PCDHA6: variants seen among roughly 807,000 people sequenced by gnomAD.
PCDHA6 encodes protocadherin alpha-6.
A neutral mutation model predicts 60.3 loss-of-function variants in PCDHA6; 55 were observed. The ratio of observed to expected loss-of-function variants is 0.91; its 90% CI spans 0.73 to 1.14. PCDHA6 has a LOEUF of 1.14. PCDHA6 is among the 50% of genes most tolerant of loss of function. The pLI is 0.00. For synonymous variants in PCDHA6, 652 were observed against 557.9 expected (o/e 1.17, Z -2.38); for missense variants, 1,327 against 1,256.5 (o/e 1.06, Z -0.85).
At chr5:140,855,994 G>T in intron 1 of PCDHA6, 2 of 1,498,182 alleles carry the variant, frequency 1.3e-6, no homozygotes, top group South Asian at 1.3e-5. Flanking sequence ...ATGTCAGATC[G>T]TATGTGCGTT....
intron 1 of PCDHA6, chr5:140,876,474 C>T: frequency 6.2e-7 from 1 of 1,614,014 alleles, no homozygotes; most frequent in Non-Finnish European, 8.5e-7. Flanking sequence ...CAGGTCACAG[C>T]ATGGTCCTGG....
In PCDHA6 at chr5:140,857,236, G is replaced by C; in HGVS notation, c.2394+26751G>C. On this transcript the variant is annotated intron_variant, in intron 1 of 3. Transcript: ENST00000529310. ...TGACGCCTCACGTTCCGTTCAAGCTGGTGTCCACCTACAAGAATTACTACT... is the reference window on the plus strand; with the variant it reads ...TGACGCCTCACGTTCCGTTCAAGCTCGTGTCCACCTACAAGAATTACTACT... 6.9e-6 allele frequency: 11 copies of C among 1,598,556 alleles called. 1 individual carries two copies. Among genetic ancestry groups the C allele is most frequent in the Non-Finnish European group, 8.6e-6 (10 of 1,167,952 alleles).
rs782703183 is a variant in PCDHA6 at position 140,882,765 on chromosome 5, C to A, written c.2394+52280C>A. On this transcript the variant is annotated intron_variant, in intron 1 of 3. Transcript: ENST00000529310. ...TCCGATGCAGATATTGGAGTAAACT[C>A]GGCATTGACCTACCGACTGGATCCC... 1.5e-5 allele frequency: 25 copies of A among 1,614,104 alleles called. No individual in the cohort carries two copies. In the South Asian group the frequency reaches 2.7e-4, roughly 18 times the overall value.
At chr5:140,923,373 T>A (rs1354356076) in intron 1 of PCDHA6, among the ~76,000 whole-genome samples, 4 of 152,048 alleles carry the variant, frequency 2.6e-5, no homozygotes, top group South Asian at 2.1e-4. Flanking sequence ...AAAATATTTT[T>A]AAAAATTAGT....
At chr5:140,852,397 C>A in intron 1 of PCDHA6, 1 of 184,368 alleles carries the variant, frequency 5.4e-6, no homozygotes, top group Non-Finnish European at 1.2e-5. Flanking sequence ...CCTGCCTCAG[C>A]CTCCTGAGTA....
chr5:140,852,099 AT>A, intron 1 of PCDHA6: 1 of 909,604 alleles, frequency 1.1e-6, no homozygotes, highest in Non-Finnish European at 1.3e-6. Flanking sequence ...TGTGTCAGAT[AT>A]TTTACAAGGT....
At position 140,836,104 on chromosome 5, in the gene PCDHA6, G is replaced by C. The variant is rs2150252946; in HGVS notation, c.2394+5619G>C. The C allele has an allele frequency of 9.3e-6, 15 of 1,613,730 alleles. 1 individual carries two copies. In the South Asian group the frequency reaches 1.4e-4, roughly 15 times the overall value. ...CTGGCGCCTCGGGTGGGTGGCACTG[G>C]TGGCGCAGTGAGAGAGCTTGTGCCG... is the stretch of plus-strand genomic sequence containing the variant. On this transcript the variant is annotated intron_variant, in intron 1 of 3. Transcript: ENST00000529310.
rs782120132 is a variant in PCDHA6, at chr5:140,884,464, C to T, written c.2394+53979C>T. On this transcript the variant is annotated intron_variant, in intron 1 of 3. Coordinates refer to ENST00000529310, the MANE Select transcript of PCDHA6 (RefSeq NM_018909.4). ...CGGCACCGCCCACCGAGGGCGCGTG[C>T]GCGCCGGGCAAGCCCACTCTAGTGT... 51 of 1,613,768 alleles carry T rather than the reference C, an allele frequency of 3.2e-5. 1 individual carries two copies. In the East Asian group the frequency reaches 9.6e-4, roughly 30 times the overall value.
intron 1 of PCDHA6, among the ~76,000 whole-genome samples, chr5:140,921,714 C>T (rs942328848): frequency 2.0e-5 from 3 of 152,046 alleles, no homozygotes; most frequent in South Asian, 2.1e-4. Context: ...AGTAAACACA[C>T]GAATTACTCC....
At chr5:140,863,631 G>A (rs2048100597) in intron 1 of PCDHA6, 1 of 306,834 alleles carries the variant, frequency 3.3e-6, no homozygotes, top group Non-Finnish European at 6.4e-6. Flanking sequence ...CATTGATAAT[G>A]TTCACCAAGT....
chr5:140,917,439 G>T (rs1437451173), intron 1 of PCDHA6, among the ~76,000 whole-genome samples: 1 of 151,364 alleles, frequency 6.6e-6, no homozygotes, highest in Non-Finnish European at 1.5e-5. Flanking sequence ...TTTTGTTTTT[G>T]CTGCAAGAGC....
rs2150314365 is a variant in PCDHA6 at position 140,841,377 on chromosome 5, T to C, written c.2394+10892T>C. On this transcript the variant is annotated intron_variant, in intron 1 of 3. Transcript: ENST00000529310. ...TCCTGGCGACTACTACTCTTGCTTC[T>C]GCTCCTCGCAGCCTGGAAGGTGGGG... is the stretch of plus-strand genomic sequence containing the variant. 2.2e-5 allele frequency: 35 copies of C among 1,613,546 alleles called. No homozygotes were observed. The South Asian group carries it at 2.3e-4, about 11-fold the overall frequency.
At chr5:140,938,278 G>A (rs1394435028) in intron 1 of PCDHA6, among the ~76,000 whole-genome samples, 1 of 152,090 alleles carries the variant, frequency 6.6e-6, no homozygotes, top group African/African-American at 2.4e-5. Context: ...TAGTTTTCTT[G>A]CTTTCTGTCA....
At chr5:140,844,536 C>T (rs945538914) in intron 1 of PCDHA6, among the ~76,000 whole-genome samples, 1 of 149,252 alleles carries the variant, frequency 6.7e-6, no homozygotes, top group South Asian at 2.1e-4. Flanking sequence ...AATCATTCAA[C>T]CCTTTGTTCA....
intron 1 of PCDHA6, among the ~76,000 whole-genome samples, chr5:140,961,885 C>G (rs2095640261): frequency 6.7e-6 from 1 of 149,548 alleles, no homozygotes. Context: ...TTACTTACAT[C>G]AGTTTTTTTT....
At chr5:140,926,888 G>A in intron 1 of PCDHA6, 1 of 1,544,494 alleles carries the variant, frequency 6.5e-7, no homozygotes, top group Non-Finnish European at 8.7e-7. Flanking sequence ...ACGCCTAGAG[G>A]GAGGATGGTG....
Position 140,876,041 on chromosome 5 carries a change from T to A in PCDHA6, c.2394+45556T>A, listed in dbSNP as rs1554168219. The A allele has an allele frequency of 1.9e-6, 3 of 1,613,848 alleles. No homozygotes were observed. Among genetic ancestry groups the A allele is most frequent in the South Asian group, 2.2e-5 (2 of 91,072 alleles). On this transcript the variant is annotated intron_variant, in intron 1 of 3. Transcript: ENST00000529310. ...ATAAAAACAAAAAAAGATAAAAGTATATTGCCTGAATTAGTTCTTCGGAAG... is the reference window on the plus strand; with the variant it reads ...ATAAAAACAAAAAAAGATAAAAGTAAATTGCCTGAATTAGTTCTTCGGAAG...
At chr5:140,875,835 G>A in intron 1 of PCDHA6, 1 of 1,614,196 alleles carries the variant, frequency 6.2e-7, no homozygotes, top group East Asian at 2.2e-5. Context: ...ATGTGGACGT[G>A]GAGGTGAAGG....
intron 1 of PCDHA6, chr5:140,853,216 G>T: frequency 1.0e-6 from 1 of 983,832 alleles, no homozygotes; most frequent in Non-Finnish European, 1.2e-6. Context: ...TGTATTGATG[G>T]GATTGGTAAT....
Sources: allele counts gnomAD v4.1 joint callset (sites outside exome capture counted in the v4.1 genomes callset), GRCh38; gene constraint gnomAD v4.1.1; transcripts MANE v1.5; gene names NCBI Gene and HGNC (gene_info 2026-07-23, HGNC 2026-07-21).